Variants in MED27 observed in about 807,000 individuals in gnomAD.
MED27 encodes the protein mediator complex subunit 27.
MED27 carries 30 observed loss-of-function variants against 38.2 expected under a neutral mutation model. The observed-to-expected ratio is 0.79, with a 90% CI of 0.59 to 1.07. The LOEUF (loss-of-function observed/expected upper bound fraction) is 1.07. MED27 is among the 50% of genes least tolerant of loss of function. The pLI is 0.00. For missense variants in MED27, 289 were observed against 397.5 expected, an observed-to-expected ratio of 0.73 and a Z score of 2.32; for synonymous variants, 122 against 153.5, an observed-to-expected ratio of 0.79 and a Z score of 1.52.
At chr9:131,921,489 C>A (rs1182542350) in intron 4 of MED27, among the ~76,000 whole-genome samples, 1 of 152,190 alleles carries the variant, frequency 6.6e-6, no homozygotes, top group Non-Finnish European at 1.5e-5. Flanking sequence ...CATCTCGCAC[C>A]AGTTAAAATG....
intron 3 of MED27, among the ~76,000 whole-genome samples, chr9:131,961,694 C>A (rs886179279): frequency 1.3e-5 from 2 of 152,216 alleles, no homozygotes; most frequent in Admixed American, 1.3e-4. Flanking sequence ...GAAGGAGCCT[C>A]ATGCTGGGGA....
chr9:132,013,069 T>G (rs1832518086), intron 3 of MED27, among the ~76,000 whole-genome samples: 1 of 152,184 alleles, frequency 6.6e-6, no homozygotes, highest in Non-Finnish European at 1.5e-5. Context: ...TTCTCGGGCA[T>G]CTGGCCCTCC....
At chr9:131,991,513 C>T (rs1203509759) in intron 3 of MED27, among the ~76,000 whole-genome samples, 1 of 151,924 alleles carries the variant, frequency 6.6e-6, no homozygotes, top group Non-Finnish European at 1.5e-5. Flanking sequence ...TGTAAATGAT[C>T]TGTCCTCTCA....
intron 2 of MED27, among the ~76,000 whole-genome samples, chr9:132,040,832 C>A (rs1044049954): frequency 7.9e-5 from 12 of 152,210 alleles, no homozygotes; most frequent in Non-Finnish European, 1.2e-4. Context: ...GATTTCCTCC[C>A]ATATGCTTTG....
chr9:131,938,578 C>T (rs1255875371), intron 4 of MED27, among the ~76,000 whole-genome samples: 1 of 152,170 alleles, frequency 6.6e-6, no homozygotes, highest in African/African-American at 2.4e-5. Flanking sequence ...ATACAAACAT[C>T]TTCTAGGAGA....
chr9:131,884,112 G>A lies in MED27; in HGVS notation c.682-13C>T. On this transcript the variant is annotated splice_polypyrimidine_tract_variant and intron_variant, in intron 5 of 7. Coordinates refer to ENST00000292035, the MANE Select transcript of MED27 (RefSeq NM_004269.4). ...ACCATATATCAAGCTGAGGGGAAAG[G>A]AGAGAAGGATCATCAGCATCGGTCT... 1 of 1,600,946 alleles carries A rather than the reference G, an allele frequency of 6.2e-7. No homozygotes were observed. Among genetic ancestry groups the A allele is most frequent in the Non-Finnish European group, 8.5e-7 (1 of 1,173,768 alleles).
chr9:131,873,605 G>A (rs1490818318), intron 6 of MED27, among the ~76,000 whole-genome samples: 1 of 152,196 alleles, frequency 6.6e-6, no homozygotes, highest in African/African-American at 2.4e-5. Context: ...TTCCTCCTCT[G>A]CTTAATGAAG....
chr9:131,966,183 T>G (rs1589238657), intron 3 of MED27, among the ~76,000 whole-genome samples: 5 of 111,522 alleles, frequency 4.5e-5, no homozygotes, highest in East Asian at 2.6e-4. Flanking sequence ...GGAAACACAG[T>G]GAGAGCCTGT....
chr9:131,971,604 A>G (rs751106199), intron 3 of MED27, among the ~76,000 whole-genome samples: 5 of 152,204 alleles, frequency 3.3e-5, no homozygotes, highest in Non-Finnish European at 7.3e-5. Context: ...CCGGACCCCA[A>G]GTGCCAAAAG....
rs1832293920 is a variant in MED27 at position 132,003,815 on chromosome 9, A to T, written c.479+10522T>A. On this transcript the variant is annotated intron_variant, in intron 3 of 7. Coordinates refer to ENST00000292035, the MANE Select transcript of MED27 (RefSeq NM_004269.4). This position sits in a 1 kb window ranked among gnomAD's most constrained non-coding sequence, Gnocchi z 4.2. ...TCTGGTTCATCAAATCATTTCACCC[A>T]AGGTTTAAGGGTACCTCAAACTTGA... 6.6e-6 allele frequency among the ~76,000 whole-genome samples: 1 copy of T among 152,220 alleles called. No homozygotes were observed. Among genetic ancestry groups the T allele is most frequent in the South Asian group, 2.1e-4 (1 of 4,834 alleles).
At position 132,014,259 on chromosome 9, in the gene MED27, C is replaced by T. The variant is rs1832554350; in HGVS notation, c.479+78G>A. The T allele has an allele frequency of 2.8e-5, 40 of 1,448,964 alleles. 1 individual carries two copies. In the South Asian group the frequency reaches 5.2e-4, roughly 19 times the overall value. The allele number at this position is 1,448,964 out of a possible 1,614,324, so 89.8% of individuals were successfully genotyped here. Reference sequence around the variant, plus strand: ...GAGGGAATTTTGAAGAAAACAGTAACTTTCCACTACCCAAAAACAAGTATA... The same window carrying T: ...GAGGGAATTTTGAAGAAAACAGTAATTTTCCACTACCCAAAAACAAGTATA... On this transcript the variant is annotated intron_variant, in intron 3 of 7. Transcript: ENST00000292035.
chr9:132,073,766 G>A (rs1833991091), intron 2 of MED27: 5 of 1,493,152 alleles, frequency 3.3e-6, no homozygotes, highest in African/African-American at 2.9e-5. Flanking sequence ...AAAATCAAAC[G>A]TGAAAAAAAA....
intron 3 of MED27, among the ~76,000 whole-genome samples, chr9:131,986,689 ATATG>A (rs1294522409): frequency 6.6e-6 from 1 of 152,148 alleles, no homozygotes; most frequent in East Asian, 1.9e-4. Context: ...TTTTGTAAAT[ATATG>A]TTTGCACAAT....
intron 2 of MED27, among the ~76,000 whole-genome samples, chr9:132,050,254 C>T (rs548753295): frequency 6.6e-6 from 1 of 152,210 alleles, no homozygotes; most frequent in South Asian, 2.1e-4. Flanking sequence ...ACCATGTGAA[C>T]AAAAGGGAAA....
Position 131,963,982 on chromosome 9 carries a change from G to C in MED27, c.480-24508C>G, listed in dbSNP as rs183258872. On this transcript the variant is annotated intron_variant, in intron 3 of 7. Coordinates refer to ENST00000292035, the MANE Select transcript of MED27 (RefSeq NM_004269.4). Reference sequence around the variant, plus strand: ...TATTACGGGGGTTAAAAAATGAATAGTGAATAAGTGAGTGTGCCCTTCTAT... The same window carrying C: ...TATTACGGGGGTTAAAAAATGAATACTGAATAAGTGAGTGTGCCCTTCTAT... 2.0e-5 allele frequency among the ~76,000 whole-genome samples: 3 copies of C among 152,204 alleles called. No homozygotes were observed. The East Asian group carries it at 5.8e-4, about 30-fold the overall frequency.
At chr9:131,951,686 C>T (rs888906671) in intron 3 of MED27, among the ~76,000 whole-genome samples, 2 of 152,220 alleles carry the variant, frequency 1.3e-5, no homozygotes, top group African/African-American at 4.8e-5. Flanking sequence ...ACATAAAGCA[C>T]TTAACACAAA....
In MED27 at chr9:131,999,080, C is replaced by A. The variant is rs189616370; in HGVS notation, c.479+15257G>T. ...AGGAAACCTTTGGAACACTGTGATG[C>A]CCCAAGGTTTCTTCTCCGGGGACAT... On this transcript the variant is annotated intron_variant, in intron 3 of 7. Coordinates refer to ENST00000292035, the MANE Select transcript of MED27 (RefSeq NM_004269.4). Among the ~76,000 whole-genome samples the A allele has an allele frequency of 9.5e-4, 144 of 152,252 alleles. 2 individuals are homozygous for A. Among genetic ancestry groups the A allele is most frequent in the Non-Finnish European group, 4.4e-5 (3 of 68,020 alleles).
chr9:131,939,293 C>A, intron 4 of MED27, 88 bp downstream of exon 4: 1 of 731,416 alleles, frequency 1.4e-6, no homozygotes, highest in Non-Finnish European at 2.1e-6. Context: ...TCCCCATTCT[C>A]TAGATCCTAC....
At chr9:131,863,357 G>A (rs1187543310) in intron 6 of MED27, among the ~76,000 whole-genome samples, 7 of 152,238 alleles carry the variant, frequency 4.6e-5, no homozygotes, top group Non-Finnish European at 2.9e-5. Flanking sequence ...TGCAGGCCTG[G>A]AGGCAGGGGG....
Sources: gnomAD v4.1 joint callset for allele counts (sites outside exome capture counted in the v4.1 genomes callset) on GRCh38, gnomAD v4.1.1 for gene constraint, Gnocchi (gnomAD v3.1) non-coding constraint, MANE v1.5 for transcripts, NCBI Gene and HGNC (gene_info 2026-07-23, HGNC 2026-07-21) for gene names.